MROH1: variants seen among roughly 807,000 people sequenced by gnomAD.
The protein encoded by MROH1 is maestro heat-like repeat-containing protein family member 1.
A neutral mutation model predicts 116.5 loss-of-function variants in MROH1; 117 were observed. The ratio of observed to expected loss-of-function variants is 1.00; its 90% CI spans 0.86 to 1.17. The LOEUF is 1.17. MROH1 is among the 50% of genes most tolerant of loss of function. MROH1 has a pLI of 0.00. For missense variants in MROH1, 1,873 were observed against 1,338.5 expected (o/e 1.40, Z -6.23); for synonymous variants, 921 against 583.9 (o/e 1.58, Z -8.32).
In MROH1 at chr8:144,199,257, G is replaced by A. The variant is rs1016377255; in HGVS notation, c.1027+57G>A. The stretch of plus-strand genomic sequence containing the variant: ...ATCTGTGGACACTCACAGGGTCACT[G>A]CCTGCTGTATGTGGAGGATGGTGGT... On this transcript the variant is annotated intron_variant, in intron 11 of 43. Transcript: ENST00000326134. 5.9e-6 allele frequency: 9 copies of A among 1,519,142 alleles called. No homozygotes were observed. In the East Asian group the frequency reaches 7.1e-5, roughly 12 times the overall value. The allele number at this position is 1,519,142 out of a possible 1,614,324, so 94.1% of individuals were successfully genotyped here.
intron 12 of MROH1, among the ~76,000 whole-genome samples, chr8:144,218,709 C>CTG (rs1564502570): frequency 9.6e-5 from 6 of 62,534 alleles, no homozygotes; most frequent in Non-Finnish European, 1.3e-4. Flanking sequence ...CCTCTCCCCT[C>CTG]CTGTCCCCCC....
chr8:144,203,610 T>C (rs1832181015), intron 12 of MROH1, among the ~76,000 whole-genome samples: 1 of 152,058 alleles, frequency 6.6e-6, no homozygotes, highest in Admixed American at 6.5e-5. Context: ...GGAGAGCGCC[T>C]GCAGCTTCCA....
intron 19 of MROH1, 126 bp from the exon 20 acceptor site, chr8:144,240,444 C>T: frequency 1.4e-6 from 1 of 693,474 alleles, no homozygotes. Context: ...GGCTCTGCCG[C>T]CCCCGGCCTC....
At chr8:144,247,096 AGAGCT>A (rs1842048537) in intron 29 of MROH1, among the ~76,000 whole-genome samples, 200 bp from the exon 30 acceptor site, 1 of 132,630 alleles carries the variant, frequency 7.5e-6, no homozygotes, top group African/African-American at 2.8e-5. Context: ...AGGTGTGGTC[AGAGCT>A]GAGCTGAGCA....
chr8:144,244,237 G>A lies in MROH1; in HGVS notation c.2571G>A (p.Ala857=), dbSNP rs1323622365. The A allele has an allele frequency of 1.7e-5, 12 of 717,862 alleles. No homozygotes were observed. The highest frequency in any genetic ancestry group is 1.4e-4 in the African/African-American group (8 of 57,236). The allele number at this position is 717,862 out of a possible 1,614,324, so 44.5% of individuals were successfully genotyped here. A position where few individuals can be genotyped will look rare whatever the true frequency, so the allele number is the denominator to read the frequency against. Reference sequence around the variant, plus strand: ...TGCCTCTCAGCTCCGTGGAGCCAGCGCTGGACGAGCAGGCCCGGGCGGATG... The same window carrying A: ...TGCCTCTCAGCTCCGTGGAGCCAGCACTGGACGAGCAGGCCCGGGCGGATG... The part of the protein sequence containing the change: ...TCTYLVSVEP[A]LDEQARADVI... Residue 857 remains alanine, a synonymous_variant, in exon 27 of 44, where the codon GCG becomes GCA. Transcript: ENST00000326134.
At chr8:144,241,331 A>C (rs1008737682) in intron 21 of MROH1, 64 bp from the exon 22 acceptor site, 1 of 723,282 alleles carries the variant, frequency 1.4e-6, no homozygotes, top group Non-Finnish European at 2.6e-6. Flanking sequence ...CACACGTGAC[A>C]GTGTGCGTGC....
Position 144,223,089 on chromosome 8 carries a change from C to A in MROH1, c.1216-19C>A. 1 of 1,613,114 alleles carries A rather than the reference C, an allele frequency of 6.2e-7. No individual in the cohort carries two copies. Among genetic ancestry groups the A allele is most frequent in the Non-Finnish European group, 8.5e-7 (1 of 1,179,524 alleles). ...GTCTCTGCGTCCCCTTCCTGATCTC[C>A]CATTTGTTCTCTGGGCAGGTGAAGC... On this transcript the variant is annotated intron_variant, in intron 13 of 43. Transcript: ENST00000326134.
At chr8:144,175,650 GC>G in intron 4 of MROH1, 1 of 600,550 alleles carries the variant, frequency 1.7e-6, no homozygotes, top group South Asian at 7.4e-5. Flanking sequence ...TAGGCTGGGT[GC>G]CAGGGCACAC....
chr8:144,261,207 C>G lies in MROH1; in HGVS notation c.4765C>G (p.Leu1589Val). 2 of 764,834 alleles carry G rather than the reference C, an allele frequency of 2.6e-6. No individual in the cohort carries two copies. Among genetic ancestry groups the G allele is most frequent in the Non-Finnish European group, 4.8e-6 (2 of 417,570 alleles). The allele number at this position is 764,834 out of a possible 1,614,324, so 47.4% of individuals were successfully genotyped here. ...GGAGAACGTCCGAGCTGCTGCACCCCTGTTCACCGGTAAGCACCACCCCCT... is the reference window on the plus strand; with the variant it reads ...GGAGAACGTCCGAGCTGCTGCACCCGTGTTCACCGGTAAGCACCACCCCCT... ...SWENVRAAAP[L>V]FTGFLVLHSE... Residue 1589 changes from leucine to valine, a missense_variant, in exon 42 of 44, where the codon CTG becomes GTG. Leu to Val is a conservative substitution (Grantham distance 32). Transcript: ENST00000326134.
chr8:144,246,460 C>G (rs1322754577), intron 29 of MROH1, among the ~76,000 whole-genome samples: 1 of 152,136 alleles, frequency 6.6e-6, no homozygotes, highest in Non-Finnish European at 1.5e-5. Context: ...GGTCAAATCT[C>G]GTGTGTTCAG....
At chr8:144,149,661 A>G (rs1816261593) in intron 1 of MROH1, among the ~76,000 whole-genome samples, 3 of 152,046 alleles carry the variant, frequency 2.0e-5, no homozygotes, top group Admixed American at 1.3e-4. Flanking sequence ...CGGTCCACCC[A>G]GCTTGGTTTC....
At chr8:144,208,615 G>A (rs970909323) in intron 12 of MROH1, among the ~76,000 whole-genome samples, 1 of 152,066 alleles carries the variant, frequency 6.6e-6, no homozygotes, top group African/African-American at 2.4e-5. Context: ...TACAGGGGTT[G>A]GGATTTGCAC....
chr8:144,163,090 G>A lies in MROH1; in HGVS notation c.-56-681G>A, dbSNP rs1168662689. ...ACAGCGCAGGGAGGTGTCCTGGCTG[G>A]TCAGGGATGGGTCATGGTGTCTCTC... On this transcript the variant is annotated intron_variant, in intron 2 of 43. Coordinates refer to ENST00000326134, the MANE Select transcript of MROH1 (RefSeq NM_032450.3). The surrounding 1 kb of genome is among the most constrained non-coding windows in gnomAD (Gnocchi z 4.4). Among the ~76,000 whole-genome samples the A allele has an allele frequency of 1.3e-5, 2 of 152,176 alleles. No individual in the cohort carries two copies. The highest frequency in any genetic ancestry group is 2.4e-5 in the African/African-American group (1 of 41,446).
intron 33 of MROH1, chr8:144,252,500 CT>C (rs1338998447): frequency 6.6e-6 from 1 of 152,088 alleles, no homozygotes; most frequent in Non-Finnish European, 1.5e-5. Context: ...AACCCCGTCT[CT>C]ACTAAAAATA....
At chr8:144,226,702 CT>C (rs1837895322) in intron 14 of MROH1, among the ~76,000 whole-genome samples, 5 of 152,326 alleles carry the variant, frequency 3.3e-5, no homozygotes, top group East Asian at 3.9e-4. Flanking sequence ...ATCCACCCGC[CT>C]CGGCCTCCCA....
intron 12 of MROH1, among the ~76,000 whole-genome samples, chr8:144,206,986 T>C (rs932841110): frequency 2.7e-5 from 4 of 150,118 alleles, no homozygotes; most frequent in African/African-American, 4.9e-5. Context: ...TGAGCCAAGA[T>C]TGCATCACTG....
chr8:144,173,966 G>A (rs1360348367), intron 4 of MROH1, among the ~76,000 whole-genome samples: 1 of 152,096 alleles, frequency 6.6e-6, no homozygotes, highest in African/African-American at 2.4e-5. Flanking sequence ...AGCTGGAGAG[G>A]GGACAGGAAG....
chr8:144,231,015 C>T (rs1331610525), intron 14 of MROH1, among the ~76,000 whole-genome samples: 1 of 138,592 alleles, frequency 7.2e-6, no homozygotes, highest in Non-Finnish European at 1.5e-5. Flanking sequence ...TGACTCTTAA[C>T]GAGCATGCTG....
intron 1 of MROH1, among the ~76,000 whole-genome samples, chr8:144,151,261 A>C (rs1284198322): frequency 3.3e-5 from 5 of 151,036 alleles, no homozygotes; most frequent in East Asian, 3.9e-4. Flanking sequence ...AAAAAAAAAA[A>C]AAAAAAAAAA....
Sources: allele counts gnomAD v4.1 joint callset (sites outside exome capture counted in the v4.1 genomes callset), GRCh38; gene constraint gnomAD v4.1.1; non-coding constraint Gnocchi (gnomAD v3.1); transcripts MANE v1.5; gene names NCBI Gene and HGNC (gene_info 2026-07-23, HGNC 2026-07-21).